The following VWC2L variants were observed in gnomAD, a reference collection of about 807,000 sequenced individuals.
VWC2L encodes the protein von Willebrand factor C domain-containing protein 2-like.
A neutral mutation model predicts 21.6 loss-of-function variants in VWC2L; 10 were observed. The observed-to-expected ratio is 0.46, with a 90% CI of 0.29 to 0.78. The LOEUF (loss-of-function observed/expected upper bound fraction) is 0.78. VWC2L is among the 30% of genes least tolerant of loss of function. VWC2L has a pLI of 0.10. For synonymous variants in VWC2L, 96 were observed against 94.3 expected (o/e 1.02, Z -0.10); for missense variants, 209 against 277.1 (o/e 0.75, Z 1.74).
At chr2:214,546,979 G>T (rs1317018435) in intron 3 of VWC2L, among the ~76,000 whole-genome samples, 1 of 152,158 alleles carries the variant, frequency 6.6e-6, no homozygotes, top group African/African-American at 2.4e-5. Flanking sequence ...GAGTGTCTTT[G>T]TGGTGTTCAA....
intron 3 of VWC2L, among the ~76,000 whole-genome samples, chr2:214,462,619 T>G (rs1009209630): frequency 3.3e-5 from 5 of 152,322 alleles, no homozygotes; most frequent in Admixed American, 2.0e-4. Context: ...ATCAGTTTTA[T>G]TTTCTCAAAG....
intron 3 of VWC2L, among the ~76,000 whole-genome samples, chr2:214,566,078 T>C (rs896940191): frequency 6.6e-6 from 1 of 152,174 alleles, no homozygotes; most frequent in Non-Finnish European, 1.5e-5. Flanking sequence ...TTGAAAATCA[T>C]TAAAAGATCT....
chr2:214,418,713 A>G (rs182750645), intron 2 of VWC2L, among the ~76,000 whole-genome samples: 2 of 152,292 alleles, frequency 1.3e-5, no homozygotes, highest in East Asian at 3.9e-4. Context: ...TAGGATAAAG[A>G]AGTTAGAATT....
chr2:214,529,385 T>A (rs1328721200), intron 3 of VWC2L, among the ~76,000 whole-genome samples: 3 of 152,152 alleles, frequency 2.0e-5, no homozygotes, highest in Non-Finnish European at 4.4e-5. Context: ...GTTCAGTATG[T>A]CCCTGCTACC....
At chr2:214,530,615 T>A (rs1385457102) in intron 3 of VWC2L, among the ~76,000 whole-genome samples, 3 of 152,000 alleles carry the variant, frequency 2.0e-5, no homozygotes, top group African/African-American at 7.2e-5. Flanking sequence ...AGGAAGGAGA[T>A]GGATCTTTCA....
chr2:214,534,530 G>T (rs999739007), intron 3 of VWC2L, among the ~76,000 whole-genome samples: 1 of 152,082 alleles, frequency 6.6e-6, no homozygotes, highest in Non-Finnish European at 1.5e-5. Flanking sequence ...GCACCAATTA[G>T]AGCTGCTGCA....
At chr2:214,446,653 T>G (rs1702841956) in intron 3 of VWC2L, among the ~76,000 whole-genome samples, 1 of 152,204 alleles carries the variant, frequency 6.6e-6, no homozygotes, top group Non-Finnish European at 1.5e-5. Context: ...TCACTTAAGA[T>G]ATGGAAAATA....
chr2:214,439,541 T>C (rs1401191188), intron 3 of VWC2L, among the ~76,000 whole-genome samples: 1 of 151,986 alleles, frequency 6.6e-6, no homozygotes, highest in Non-Finnish European at 1.5e-5. Context: ...TCTTCATAAA[T>C]GGTTATTTTG....
intron 2 of VWC2L, among the ~76,000 whole-genome samples, chr2:214,419,201 T>C (rs1408966506): frequency 6.6e-6 from 1 of 152,206 alleles, no homozygotes; most frequent in Non-Finnish European, 1.5e-5. Flanking sequence ...CTGGTAATAT[T>C]GTATTAAGAT....
At chr2:214,453,841 C>T (rs941020150) in intron 3 of VWC2L, among the ~76,000 whole-genome samples, 2 of 151,910 alleles carry the variant, frequency 1.3e-5, no homozygotes, top group African/African-American at 4.8e-5. Context: ...CTGTCTCAGC[C>T]TCCCAAGTAG....
chr2:214,427,396 C>A (rs1489194718), intron 2 of VWC2L, among the ~76,000 whole-genome samples: 1 of 152,122 alleles, frequency 6.6e-6, no homozygotes, highest in Non-Finnish European at 1.5e-5. Flanking sequence ...CTAAAAGATA[C>A]TTAAATCAAG....
chr2:214,500,143 A>G (rs528588375), intron 3 of VWC2L, among the ~76,000 whole-genome samples: 1 of 152,388 alleles, frequency 6.6e-6, no homozygotes, highest in Admixed American at 6.5e-5. Flanking sequence ...TACACACATA[A>G]GAAACCTCTG....
intron 2 of VWC2L, among the ~76,000 whole-genome samples, chr2:214,421,388 A>G (rs1442414635): frequency 6.6e-6 from 1 of 152,182 alleles, no homozygotes; most frequent in Non-Finnish European, 1.5e-5. Context: ...ACATTTTAAG[A>G]GAATTGATGG....
intron 3 of VWC2L, among the ~76,000 whole-genome samples, chr2:214,473,358 T>C (rs548486500): frequency 6.6e-6 from 1 of 152,318 alleles, no homozygotes; most frequent in East Asian, 1.9e-4. Flanking sequence ...AATAGTAGTT[T>C]ATTATTGCTC....
chr2:214,572,453 G>T lies in VWC2L; in HGVS notation c.521-3219G>T, dbSNP rs557490361. Among the ~76,000 whole-genome samples, 17 of 152,182 alleles carry T rather than the reference G, an allele frequency of 1.1e-4. 1 individual carries two copies. In the South Asian group the frequency reaches 3.3e-3, roughly 30 times the overall value. On this transcript the variant is annotated intron_variant, in intron 3 of 3. Transcript: ENST00000312504. Reference sequence around the variant, plus strand: ...CTCCAAATCCTCTGCATTAAAATACGTTGCTTTGCCATTGAATTCACTCTT... The same window carrying T: ...CTCCAAATCCTCTGCATTAAAATACTTTGCTTTGCCATTGAATTCACTCTT...
At chr2:214,516,211 G>A (rs1371780130) in intron 3 of VWC2L, among the ~76,000 whole-genome samples, 1 of 151,716 alleles carries the variant, frequency 6.6e-6, no homozygotes, top group Non-Finnish European at 1.5e-5. Flanking sequence ...CCTCCCACCC[G>A]CTGCATAGAC....
rs936612502 is a variant in VWC2L at position 214,578,856 on chromosome 2, A to G, written c.*3036A>G. The G allele has an allele frequency of 4.1e-5, 6 of 146,388 alleles. No individual in the cohort carries two copies. The highest frequency in any genetic ancestry group is 1.2e-4 in the African/African-American group (5 of 40,028). The allele number at this position is 146,388 out of a possible 1,614,324, so 9.1% of individuals were successfully genotyped here. A position where few individuals can be genotyped will look rare whatever the true frequency, so the allele number is the denominator to read the frequency against. ...AATGGCGTGCCTGAAAACTAGTGAGAAAAAAAAAAAACCTAAACACTAAAC... is the reference window on the plus strand; with the variant it reads ...AATGGCGTGCCTGAAAACTAGTGAGGAAAAAAAAAAACCTAAACACTAAAC... On this transcript the variant is annotated 3_prime_UTR_variant, in exon 4 of 4. Transcript: ENST00000312504.
At chr2:214,521,276 T>TAAAA (rs879941182) in intron 3 of VWC2L, among the ~76,000 whole-genome samples, 1 of 134,784 alleles carries the variant, frequency 7.4e-6, no homozygotes, top group African/African-American at 2.8e-5. Context: ...AATAAATAAA[T>TAAAA]AAAACTACCA....
intron 3 of VWC2L, among the ~76,000 whole-genome samples, chr2:214,533,010 A>G (rs1689465100): frequency 6.6e-6 from 1 of 151,868 alleles, no homozygotes; most frequent in South Asian, 2.1e-4. Context: ...ACCTATACCA[A>G]CTTCCAAAGT....
Sources: gnomAD v4.1 joint callset for allele counts (sites outside exome capture counted in the v4.1 genomes callset) on GRCh38, gnomAD v4.1.1 for gene constraint, MANE v1.5 for transcripts, NCBI Gene and HGNC (gene_info 2026-07-23, HGNC 2026-07-21) for gene names.